Variants in MPP3 observed in about 807,000 individuals in gnomAD.
MPP3 encodes MAGUK p55 subfamily member 3.
Under a neutral mutation model 80.7 loss-of-function variants are expected in MPP3, and 48 were observed. That is an observed-to-expected ratio of 0.59 (90% confidence interval 0.47 to 0.76). The LOEUF is 0.76. Ranked by LOEUF, MPP3 falls within the 30% of genes least tolerant of loss-of-function variation. The probability of loss-of-function intolerance (pLI) is 0.00; values close to 1 mark genes in which losing one functional copy is unlikely to be tolerated. For synonymous variants in MPP3, 311 were observed against 297.6 expected, an observed-to-expected ratio of 1.04 and a Z score of -0.46; for missense variants, 620 against 763.0, an observed-to-expected ratio of 0.81 and a Z score of 2.21.
rs1478062669 is a variant in MPP3, at chr17:43,830,033, G to A, written c.297C>T (p.His99=). Residue 99 remains histidine, a synonymous_variant, in exon 6 of 20, where the codon CAC becomes CAT. Coordinates refer to ENST00000398389, the MANE Select transcript of MPP3 (RefSeq NM_001932.6). ...RELLQLLSTP[H]LRAVLMVHDT... Reference sequence around the variant, plus strand: ...AGGGGCTCTGTGTGACTACCCTCAGGTGCGGGGTGGACAGCAGCTGGAGCA... The same window carrying A: ...AGGGGCTCTGTGTGACTACCCTCAGATGCGGGGTGGACAGCAGCTGGAGCA... 14 of 1,600,982 alleles carry A rather than the reference G, an allele frequency of 8.7e-6. No homozygotes were observed. The highest frequency in any genetic ancestry group is 1.1e-5 in the Non-Finnish European group (13 of 1,175,130).
At chr17:43,831,984 A>G (rs767400853) in intron 2 of MPP3, 41 bp from the exon 3 acceptor site, 14 of 1,328,940 alleles carry the variant, frequency 1.1e-5, no homozygotes, top group East Asian at 2.4e-5. Flanking sequence ...AGCTCCATCA[A>G]GCATATTTAT....
At chr17:43,808,004 C>T (rs1445807934) in intron 19 of MPP3, among the ~76,000 whole-genome samples, 3 of 152,074 alleles carry the variant, frequency 2.0e-5, no homozygotes, top group East Asian at 1.9e-4. Flanking sequence ...CCTGTAATCC[C>T]AGCACTTTGG....
intron 8 of MPP3, among the ~76,000 whole-genome samples, chr17:43,827,332 T>TTA (rs2045757764): frequency 6.8e-6 from 1 of 146,396 alleles, no homozygotes; most frequent in Non-Finnish European, 1.5e-5. Flanking sequence ...TTTTTTTCTT[T>TTA]TTTTTTTTTT....
rs1404998790 is a variant in MPP3, at chr17:43,824,001, T to C, written c.614A>G (p.Gln205Arg). The C allele has an allele frequency of 3.7e-6, 6 of 1,606,958 alleles. No homozygotes were observed. The South Asian group carries it at 6.7e-5, about 18-fold the overall frequency. The part of the protein sequence containing the change: ...RPDEISQILA[Q>R]SQGSITLKII... The stretch of plus-strand genomic sequence containing the variant: ...TTTTAGGGTGATGGATCCCTGGGAC[T>C]GGGCCTGAAACGAAAGAGAACAGAA... Residue 205 changes from glutamine (Q) to arginine (R), a missense_variant, in exon 10 of 20, where the codon CAG becomes CGG. Gln to Arg is a conservative substitution (Grantham distance 43, BLOSUM62 1). Transcript: ENST00000398389.
Position 43,816,677 on chromosome 17 carries a change from CT to C in MPP3, c.966del (p.Glu323ArgfsTer47). The part of the protein sequence containing the change: ...RKPPYDQPCD[K>X]ETCDCEGYLK... ...GACAGCGGATAGATACTGGGCCTAC[CT>C]TTGTCACAAGGCTGATCATCTGCGG... On this transcript the variant is annotated frameshift_variant and splice_region_variant, in exon 13 of 20. Transcript: ENST00000398389. LOFTEE classifies it high-confidence loss of function. 1 of 1,576,394 alleles carries C rather than the reference CT, an allele frequency of 6.3e-7. No individual in the cohort carries two copies. Among genetic ancestry groups the C allele is most frequent in the Non-Finnish European group, 8.6e-7 (1 of 1,160,418 alleles).
At chr17:43,806,566 G>A (rs560311954) in intron 19 of MPP3, among the ~76,000 whole-genome samples, 1 of 152,202 alleles carries the variant, frequency 6.6e-6, no homozygotes, top group South Asian at 2.1e-4. Flanking sequence ...ACATTATTTA[G>A]GTTGTCTCTG....
chr17:43,814,680 G>A (rs1172474888), intron 14 of MPP3: 5 of 241,450 alleles, frequency 2.1e-5, no homozygotes, highest in Non-Finnish European at 4.0e-5. Flanking sequence ...ACTACTATGT[G>A]TGGTCCTAGA....
At position 43,829,856 on chromosome 17, in the gene MPP3, G is replaced by T. The variant is rs1598370215; in HGVS notation, c.304-65C>A. On this transcript the variant is annotated intron_variant, in intron 6 of 19. Coordinates refer to ENST00000398389, the MANE Select transcript of MPP3 (RefSeq NM_001932.6). ...CTCACAGGGTCAGCAGGCCGCAGCT[G>T]GCCGGTGGTATGGAGGGTGGCAGAC... is the stretch of plus-strand genomic sequence containing the variant. 3.7e-6 allele frequency: 6 copies of T among 1,608,272 alleles called. No homozygotes were observed. The East Asian group carries it at 1.1e-4, about 30-fold the overall frequency.
chr17:43,827,351 A>G, intron 8 of MPP3, among the ~76,000 whole-genome samples: 1 of 118,832 alleles, frequency 8.4e-6, no homozygotes, highest in Non-Finnish European at 1.7e-5. Flanking sequence ...TTTTTGAGAC[A>G]GAGTCTCACT....
In MPP3 at chr17:43,827,804, G is replaced by C; in HGVS notation, c.470C>G (p.Ser157Ter). ...LGATIRRDEH[S>*]GAVVVARIMR... The stretch of plus-strand genomic sequence containing the variant: ...GATCCTGGCCACCACAACAGCCCCT[G>C]AGTGCTCGTCCCGCCGGATGGTGGC... The change falls in exon 8 of 20, where the codon TCA becomes TGA. Residue 157 changes from serine (S) to a stop codon, truncating the protein, a stop_gained. Transcript: ENST00000398389. LOFTEE classifies it high-confidence loss of function. 1 of 1,613,186 alleles carries C rather than the reference G, an allele frequency of 6.2e-7. No homozygotes were observed. Among genetic ancestry groups the C allele is most frequent in the Non-Finnish European group, 8.5e-7 (1 of 1,180,002 alleles).
chr17:43,811,373 C>T (rs1472780604), intron 16 of MPP3, 168 bp from the exon 17 acceptor site: 19 of 605,716 alleles, frequency 3.1e-5, no homozygotes, highest in East Asian at 8.4e-5. Context: ...TCCAGGCAGG[C>T]GTATCACTGA....
intron 12 of MPP3, 52 bp from the exon 13 acceptor site, chr17:43,816,749 G>C: frequency 1.3e-6 from 2 of 1,550,868 alleles, no homozygotes; most frequent in Non-Finnish European, 1.7e-6. Flanking sequence ...GGGAAGCGGG[G>C]ACCCTGCGGC....
At chr17:43,808,900 T>TC in intron 19 of MPP3, 56 bp downstream of exon 19, 1 of 1,559,840 alleles carries the variant, frequency 6.4e-7, no homozygotes, top group Non-Finnish European at 8.6e-7. Context: ...CTAGAAGCGT[T>TC]CCTGTAACAG....
intron 14 of MPP3, chr17:43,814,636 T>G: frequency 9.1e-6 from 3 of 331,260 alleles, no homozygotes; most frequent in South Asian, 1.0e-4. Flanking sequence ...GAGCCTCAAT[T>G]TCCTTACCTG....
At chr17:43,816,141 AC>A in intron 13 of MPP3, 62 bp from the exon 14 acceptor site, 1 of 1,431,800 alleles carries the variant, frequency 7.0e-7, no homozygotes, top group Non-Finnish European at 9.3e-7. Context: ...GGCCCAGGGC[AC>A]CCAGCCCCTG....
intron 14 of MPP3, 89 bp downstream of exon 14, chr17:43,815,949 G>T: frequency 1.7e-6 from 2 of 1,211,260 alleles, no homozygotes; most frequent in Non-Finnish European, 2.3e-6. Flanking sequence ...GACTCCTGGG[G>T]CTCAGATCAC....
At chr17:43,810,146 A>G (rs563916060) in intron 18 of MPP3, among the ~76,000 whole-genome samples, 2 of 152,334 alleles carry the variant, frequency 1.3e-5, no homozygotes, top group South Asian at 2.1e-4. Flanking sequence ...TCTTTAAAAT[A>G]AAGCCTACAG....
In MPP3 at chr17:43,831,913, G is replaced by A. The variant is rs2045983567; in HGVS notation, c.-7C>T. 6.2e-7 allele frequency: 1 copy of A among 1,612,716 alleles called. No individual in the cohort carries two copies. Among genetic ancestry groups the A allele is most frequent in the Admixed American group, 1.7e-5 (1 of 59,550 alleles). Reference sequence around the variant, plus strand: ...CCTCCGATAGCACTGGCATGCTGGCGTTGTCACCTCCCGACCTCTCCCTGC... The same window carrying A: ...CCTCCGATAGCACTGGCATGCTGGCATTGTCACCTCCCGACCTCTCCCTGC... On this transcript the variant is annotated 5_prime_UTR_variant, in exon 3 of 20. The change creates a new upstream start codon in the 5' untranslated region. Coordinates refer to ENST00000398389, the MANE Select transcript of MPP3 (RefSeq NM_001932.6).
chr17:43,804,439 G>A (rs2044532367), intron 19 of MPP3, among the ~76,000 whole-genome samples: 1 of 152,154 alleles, frequency 6.6e-6, no homozygotes, highest in Non-Finnish European at 1.5e-5. Flanking sequence ...ATAATTAAAT[G>A]AGAAAATAGT....
Sources: gnomAD v4.1 joint callset for allele counts (sites outside exome capture counted in the v4.1 genomes callset) on GRCh38, gnomAD v4.1.1 for gene constraint, MANE v1.5 for transcripts, NCBI Gene and HGNC (gene_info 2026-07-23, HGNC 2026-07-21) for gene names.